Variants in SDK1 observed in about 807,000 individuals in gnomAD.
SDK1 encodes sidekick cell adhesion molecule 1.
SDK1 carries 157 observed loss-of-function variants against 245.5 expected under a neutral mutation model. The observed-to-expected ratio is 0.64, with a 90% CI of 0.56 to 0.73. The LOEUF is 0.73. Among genes scored for constraint, SDK1 ranks in the 30% least tolerant of loss-of-function variants. The pLI is 0.00. For missense variants in SDK1, 3,583 were observed against 3,002.3 expected, an observed-to-expected ratio of 1.19 and a Z score of -4.52; for synonymous variants, 1,647 against 1,278.5, an observed-to-expected ratio of 1.29 and a Z score of -6.15.
At chr7:4,139,697 GTGTGTGTATGTGTGTGTGTGTGTA>G (rs1779425966) in intron 28 of SDK1, among the ~76,000 whole-genome samples, 4 of 9,234 alleles carry the variant, frequency 4.3e-4, no homozygotes, top group Non-Finnish European at 5.4e-4. Context: ...GTGTATGTGT[GTGTGTGTATGTGTGTGTGTGTGTA>G]TGTGTGTGTG....
At chr7:3,557,854 C>T (rs1221010480) in intron 1 of SDK1, among the ~76,000 whole-genome samples, 1 of 152,180 alleles carries the variant, frequency 6.6e-6, no homozygotes, top group African/African-American at 2.4e-5. Context: ...ACGTCTGCAT[C>T]TCCATGTTAT....
intron 1 of SDK1, among the ~76,000 whole-genome samples, chr7:3,543,054 G>A (rs1280811970): frequency 6.6e-6 from 1 of 152,132 alleles, no homozygotes; most frequent in African/African-American, 2.4e-5. Flanking sequence ...CTCCATCTGG[G>A]ACAAGCTTAG....
intron 4 of SDK1, among the ~76,000 whole-genome samples, chr7:3,719,774 T>C (rs779207974): frequency 1.3e-5 from 2 of 151,752 alleles, no homozygotes; most frequent in Non-Finnish European, 2.9e-5. Flanking sequence ...GTGAAGAGAT[T>C]GAGACCATCC....
intron 4 of SDK1, among the ~76,000 whole-genome samples, chr7:3,765,066 T>G (rs1354424624): frequency 6.6e-6 from 1 of 152,186 alleles, no homozygotes; most frequent in East Asian, 1.9e-4. Flanking sequence ...CTTTTTGGTT[T>G]TCTTTTAATA....
At chr7:3,378,864 G>A (rs1781415855) in intron 1 of SDK1, among the ~76,000 whole-genome samples, 1 of 151,980 alleles carries the variant, frequency 6.6e-6, no homozygotes, top group South Asian at 2.1e-4. Flanking sequence ...CACTTTGTCG[G>A]CTCTGCTGTC....
intron 35 of SDK1, chr7:4,179,308 G>A (rs1207752364): frequency 1.3e-5 from 2 of 152,170 alleles, no homozygotes; most frequent in African/African-American, 2.4e-5. Context: ...GATTTAGAAG[G>A]GTGTTGTTTC....
chr7:3,668,598 C>T (rs1783605928), intron 4 of SDK1, among the ~76,000 whole-genome samples: 2 of 152,140 alleles, frequency 1.3e-5, no homozygotes, highest in South Asian at 4.1e-4. Context: ...AGAGACCAGC[C>T]TGGCCAATAT....
intron 5 of SDK1, among the ~76,000 whole-genome samples, chr7:3,861,391 C>A (rs1375877340): frequency 1.3e-5 from 2 of 152,124 alleles, no homozygotes; most frequent in African/African-American, 2.4e-5. Context: ...CATCTTCTTG[C>A]TTGATTGTTT....
At chr7:3,861,955 T>G (rs889183584) in intron 5 of SDK1, among the ~76,000 whole-genome samples, 2 of 152,296 alleles carry the variant, frequency 1.3e-5, no homozygotes, top group Non-Finnish European at 1.5e-5. Flanking sequence ...CTGCAGAGCA[T>G]CCTAGAAGAC....
intron 1 of SDK1, among the ~76,000 whole-genome samples, chr7:3,603,419 T>C (rs1317563446): frequency 6.6e-6 from 1 of 151,458 alleles, no homozygotes; most frequent in African/African-American, 2.4e-5. Flanking sequence ...GGTGGATTCC[T>C]AGGTATTTTA....
intron 1 of SDK1, among the ~76,000 whole-genome samples, chr7:3,409,546 G>A (rs1779144411): frequency 6.6e-6 from 1 of 152,112 alleles, no homozygotes; most frequent in South Asian, 2.1e-4. Context: ...ATTTAGTGAA[G>A]TTTGTTTGGC....
At chr7:3,418,676 G>A (rs558672598) in intron 1 of SDK1, among the ~76,000 whole-genome samples, 3 of 152,210 alleles carry the variant, frequency 2.0e-5, no homozygotes, top group African/African-American at 7.2e-5. Context: ...GACTTTCCAG[G>A]GTATATTTTG....
chr7:3,778,570 A>C (rs926193286), intron 4 of SDK1, among the ~76,000 whole-genome samples: 7 of 152,206 alleles, frequency 4.6e-5, no homozygotes, highest in African/African-American at 1.7e-4. Flanking sequence ...ATATTTTTAC[A>C]CTGACAGCAT....
chr7:3,642,841 T>C (rs988742613), intron 4 of SDK1: 3 of 152,236 alleles, frequency 2.0e-5, no homozygotes, highest in African/African-American at 7.2e-5. Context: ...AGGCTGAACA[T>C]TTCCAGAAGA....
At chr7:3,901,464 G>T (rs1298692809) in intron 5 of SDK1, among the ~76,000 whole-genome samples, 1 of 152,200 alleles carries the variant, frequency 6.6e-6, no homozygotes, top group Non-Finnish European at 1.5e-5. Context: ...GGGATTACAG[G>T]TATGAGCCAA....
intron 1 of SDK1, among the ~76,000 whole-genome samples, chr7:3,389,014 C>T (rs953087412): frequency 3.2e-4 from 49 of 152,214 alleles, no homozygotes; most frequent in African/African-American, 1.2e-3. Context: ...CTGATGGGGT[C>T]AACTTTTTGG....
chr7:3,566,846 C>T (rs929873773), intron 1 of SDK1, among the ~76,000 whole-genome samples: 9 of 152,008 alleles, frequency 5.9e-5, no homozygotes, highest in Admixed American at 3.9e-4. Flanking sequence ...TCATTATTAC[C>T]GAGAGAAATA....
At chr7:3,574,166 G>T (rs1481337821) in intron 1 of SDK1, among the ~76,000 whole-genome samples, 1 of 150,516 alleles carries the variant, frequency 6.6e-6, no homozygotes, top group Non-Finnish European at 1.5e-5. Flanking sequence ...ACCTGGGCTA[G>T]AGTGCAGTGG....
At chr7:4,167,115 C>T (rs1781544985) in intron 32 of SDK1, among the ~76,000 whole-genome samples, 1 of 152,192 alleles carries the variant, frequency 6.6e-6, no homozygotes, top group South Asian at 2.1e-4. Context: ...TTTAAACAGG[C>T]TCTTTTGCTG....
Sources: gnomAD v4.1 joint callset for allele counts (sites outside exome capture counted in the v4.1 genomes callset) on GRCh38, gnomAD v4.1.1 for gene constraint, MANE v1.5 for transcripts, NCBI Gene and HGNC (gene_info 2026-07-23, HGNC 2026-07-21) for gene names.